STPG4: variants seen among roughly 807,000 people sequenced by gnomAD.
The protein encoded by STPG4 is sperm-tail PG-rich repeat containing 4.
Under a neutral mutation model 31.5 loss-of-function variants are expected in STPG4, and 41 were observed. That is an observed-to-expected ratio of 1.30 (90% CI 1.01 to 1.69). The LOEUF (loss-of-function observed/expected upper bound fraction) is 1.69, where lower values mean the gene tolerates loss of function less well. STPG4 is among the 40% of genes most tolerant of loss of function. The pLI, the probability that STPG4 is intolerant of heterozygous loss-of-function variation, is 0.00. For missense variants in STPG4, 375 were observed against 293.4 expected (o/e 1.28, Z -2.03); for synonymous variants, 141 against 103.0 (o/e 1.37, Z -2.24).
chr2:47,095,633 T>C (rs1379613519), intron 5 of STPG4, among the ~76,000 whole-genome samples: 1 of 152,210 alleles, frequency 6.6e-6, no homozygotes, highest in African/African-American at 2.4e-5. Context: ...TCAGCCAATA[T>C]ACATTGTTCC....
Position 47,155,154 on chromosome 2 carries a change from G to A in STPG4, c.81+17C>T, listed in dbSNP as rs1687005781. 6.2e-7 allele frequency: 1 copy of A among 1,612,692 alleles called. No homozygotes were observed. Among genetic ancestry groups the A allele is most frequent in the South Asian group, 1.1e-5 (1 of 91,014 alleles). On this transcript the variant is annotated intron_variant, in intron 1 of 6. Transcript: ENST00000445927. Reference sequence around the variant, plus strand: ...AGGGGAGCAGGAGCCAGGCCGGCAAGGGGCAGGCCATCTTACCGAAGCTGT... The same window carrying A: ...AGGGGAGCAGGAGCCAGGCCGGCAAAGGGCAGGCCATCTTACCGAAGCTGT...
At chr2:47,135,791 A>G (rs1244238346) in intron 3 of STPG4, among the ~76,000 whole-genome samples, 1 of 152,102 alleles carries the variant, frequency 6.6e-6, no homozygotes, top group Non-Finnish European at 1.5e-5. Context: ...AATTCAGTTG[A>G]CTATATTTTT....
At chr2:47,094,922 C>G (rs1363830711) in intron 5 of STPG4, among the ~76,000 whole-genome samples, 1 of 152,228 alleles carries the variant, frequency 6.6e-6, no homozygotes, top group Non-Finnish European at 1.5e-5. Flanking sequence ...TGCACACACT[C>G]CTCCCCAGGG....
chr2:47,114,565 GT>G (rs1558677688), intron 5 of STPG4, among the ~76,000 whole-genome samples: 1 of 152,086 alleles, frequency 6.6e-6, no homozygotes, highest in African/African-American at 2.4e-5. Flanking sequence ...CACAGCATTT[GT>G]TTTTTATCTG....
intron 3 of STPG4, among the ~76,000 whole-genome samples, chr2:47,150,224 T>C (rs1187261444): frequency 6.6e-6 from 1 of 152,222 alleles, no homozygotes; most frequent in East Asian, 1.9e-4. Context: ...TCCAGTTAAG[T>C]TCTACGTAAG....
chr2:47,106,343 T>C (rs1431341845), intron 5 of STPG4, among the ~76,000 whole-genome samples: 1 of 151,826 alleles, frequency 6.6e-6, no homozygotes, highest in Non-Finnish European at 1.5e-5. Context: ...ACCTTATCAG[T>C]ACCCCTCAAA....
chr2:47,107,399 G>T (rs190965586), intron 5 of STPG4, among the ~76,000 whole-genome samples: 1 of 152,160 alleles, frequency 6.6e-6, no homozygotes, highest in African/African-American at 2.4e-5. Context: ...TGCCGGCCCC[G>T]GGCAACGAGG....
chr2:47,111,447 A>G (rs1366901973), intron 5 of STPG4, among the ~76,000 whole-genome samples: 1 of 152,222 alleles, frequency 6.6e-6, no homozygotes, highest in Non-Finnish European at 1.5e-5. Context: ...AAGCAATAAA[A>G]TCAATTAAAG....
At chr2:47,142,772 AT>A (rs1313545877) in intron 3 of STPG4, among the ~76,000 whole-genome samples, 5 of 142,028 alleles carry the variant, frequency 3.5e-5, no homozygotes, top group East Asian at 2.1e-4. Context: ...TTGTACCTTC[AT>A]TTTTTTTCAT....
intron 3 of STPG4, among the ~76,000 whole-genome samples, chr2:47,134,792 A>G (rs1053854683): frequency 6.6e-6 from 1 of 152,226 alleles, no homozygotes; most frequent in African/African-American, 2.4e-5. Flanking sequence ...CTGTCTTCCA[A>G]AGTGGCTATA....
intron 5 of STPG4, among the ~76,000 whole-genome samples, chr2:47,109,649 T>G (rs1050965499): frequency 6.6e-6 from 1 of 152,158 alleles, no homozygotes; most frequent in African/African-American, 2.4e-5. Flanking sequence ...TAAAACATAT[T>G]TGAGGAGGTT....
At chr2:47,123,335 T>C (rs1283814244) in intron 5 of STPG4, among the ~76,000 whole-genome samples, 1 of 152,184 alleles carries the variant, frequency 6.6e-6, no homozygotes, top group Non-Finnish European at 1.5e-5. Flanking sequence ...CCATGATCTA[T>C]TGAATATCTC....
intron 6 of STPG4, 89 bp from the exon 7 acceptor site, chr2:47,087,219 G>A (rs1685474923): frequency 5.5e-6 from 8 of 1,453,036 alleles, no homozygotes; most frequent in African/African-American, 1.4e-5. Flanking sequence ...TGGATGTGGT[G>A]GACAAATTCC....
At chr2:47,089,652 A>T (rs564936531) in intron 6 of STPG4, among the ~76,000 whole-genome samples, 27 of 135,738 alleles carry the variant, frequency 2.0e-4, no homozygotes, top group African/African-American at 7.3e-4. Context: ...GTCTTTTGAC[A>T]TTAAAAAAAA....
intron 2 of STPG4, among the ~76,000 whole-genome samples, 188 bp downstream of exon 2, chr2:47,152,769 T>C (rs1195361597): frequency 2.0e-5 from 3 of 152,252 alleles, no homozygotes; most frequent in African/African-American, 7.2e-5. Context: ...TTCTATTGCA[T>C]TCAAAATTAA....
intron 3 of STPG4, among the ~76,000 whole-genome samples, chr2:47,148,035 T>C (rs868304250): frequency 1.2e-4 from 18 of 150,886 alleles, no homozygotes; most frequent in African/African-American, 3.9e-4. Context: ...CACTGTACCC[T>C]CTACCTCCCG....
intron 5 of STPG4, among the ~76,000 whole-genome samples, chr2:47,097,069 G>C (rs2103733356): frequency 6.6e-6 from 1 of 152,250 alleles, no homozygotes; most frequent in Admixed American, 6.5e-5. Context: ...AGGGATATGA[G>C]GGGCAAAGGC....
At chr2:47,092,401 T>C (rs1685585667) in intron 5 of STPG4, among the ~76,000 whole-genome samples, 1 of 150,248 alleles carries the variant, frequency 6.7e-6, no homozygotes, top group Admixed American at 6.6e-5. Flanking sequence ...GGGGGTGTGT[T>C]CCTGTGGTCC....
chr2:47,145,447 C>G (rs1573198072), intron 3 of STPG4, among the ~76,000 whole-genome samples: 1 of 152,180 alleles, frequency 6.6e-6, no homozygotes, highest in South Asian at 2.1e-4. Context: ...GAATTCCAGC[C>G]CAAATTCACA....
Sources: allele counts gnomAD v4.1 joint callset (sites outside exome capture counted in the v4.1 genomes callset), GRCh38; gene constraint gnomAD v4.1.1; transcripts MANE v1.5; gene names NCBI Gene and HGNC (gene_info 2026-07-23, HGNC 2026-07-21).